Variants in PDZD2 observed in about 807,000 individuals in gnomAD.
PDZD2 encodes PDZ domain containing 2, also known as PDZ domain-containing protein 2.
In PDZD2, 90 loss-of-function variants were observed where a neutral mutation model predicts 220.7. That is an observed-to-expected ratio of 0.41 (90% CI 0.34 to 0.49). PDZD2 has a LOEUF of 0.49. PDZD2 is among the 20% of genes least tolerant of loss of function. The probability of loss-of-function intolerance (pLI) is 0.28; values close to 1 mark genes in which losing one functional copy is unlikely to be tolerated. For synonymous variants in PDZD2, 1,375 were observed against 1,450.5 expected, an observed-to-expected ratio of 0.95 and a Z score of 1.18; for missense variants, 3,174 against 3,608.5, an observed-to-expected ratio of 0.88 and a Z score of 3.08.
intron 2 of PDZD2, among the ~76,000 whole-genome samples, chr5:31,898,808 C>CTTTTTTTTTTT (rs35589628): frequency 2.3e-4 from 28 of 123,454 alleles, no homozygotes; most frequent in African/African-American, 2.6e-4. Context: ...AGCCTCTCTT[C>CTTTTTTTTTTT]TTTTTTTTTT....
At position 32,108,186 on chromosome 5, in the gene PDZD2, A is replaced by T; in HGVS notation, c.*51A>T. Reference sequence around the variant, plus strand: ...TTCTCTTCTTTCTTTAGCAAATCAGAGTGACTTCTTTAAACCACAGGTTGT... The same window carrying T: ...TTCTCTTCTTTCTTTAGCAAATCAGTGTGACTTCTTTAAACCACAGGTTGT... On this transcript the variant is annotated 3_prime_UTR_variant, in exon 25 of 25. Coordinates refer to ENST00000438447, the MANE Select transcript of PDZD2 (RefSeq NM_178140.4). 7.5e-7 allele frequency: 1 copy of T among 1,339,536 alleles called. No homozygotes were observed. The highest frequency in any genetic ancestry group is 1.0e-6 in the Non-Finnish European group (1 of 956,294). 83.0% of individuals were successfully genotyped at this position (1,339,536 alleles called of 1,614,324 possible). A position where few individuals can be genotyped will look rare whatever the true frequency, so the allele number is the denominator to read the frequency against.
At position 31,781,266 on chromosome 5, in the gene PDZD2, T is replaced by G. The variant is rs377071421; in HGVS notation, c.-360-17623T>G. On this transcript the variant is annotated intron_variant, in intron 1 of 24. Transcript: ENST00000438447. ...CTGTCTCTACTAAAAATACAAAAAT[T>G]AGCTGGGTGTGGTGGTGCACGTCTG... Among the ~76,000 whole-genome samples, 7 of 152,234 alleles carry G rather than the reference T, an allele frequency of 4.6e-5. No homozygotes were observed. The East Asian group carries it at 9.7e-4, about 21-fold the overall frequency.
At position 31,923,638 on chromosome 5, in the gene PDZD2, A is replaced by G; in HGVS notation, c.477-59517A>G. On this transcript the variant is annotated intron_variant, in intron 2 of 24. Transcript: ENST00000438447. ...GGGACATCATTCAGTCACTAGTTGG[A>G]TGGCACAAGGCTCTTCACAGATGAA... The G allele has an allele frequency of 1.8e-5, 13 of 710,938 alleles. 2 individuals are homozygous for G. The highest frequency in any genetic ancestry group is 1.6e-4 in the South Asian group (12 of 72,958). The allele number at this position is 710,938 out of a possible 1,614,324, so 44.0% of individuals were successfully genotyped here.
Position 31,844,496 on chromosome 5 carries a change from G to A in PDZD2, c.476+44772G>A, listed in dbSNP as rs1053865429. Among the ~76,000 whole-genome samples, 31 of 152,230 alleles carry A rather than the reference G, an allele frequency of 2.0e-4. No individual in the cohort carries two copies. The South Asian group carries it at 2.7e-3, about 13-fold the overall frequency. ...ATTACTGAGTATAGAAATGATTTTT[G>A]TCAAGACCAAGTGGTAAGGACTTGG... On this transcript the variant is annotated intron_variant, in intron 2 of 24. Coordinates refer to ENST00000438447, the MANE Select transcript of PDZD2 (RefSeq NM_178140.4).
chr5:32,097,559 A>G (rs1167712378), intron 22 of PDZD2, among the ~76,000 whole-genome samples, 179 bp downstream of exon 22: 1 of 152,240 alleles, frequency 6.6e-6, no homozygotes, highest in Non-Finnish European at 1.5e-5. Flanking sequence ...ACAAAAGACA[A>G]GCATTTTTAA....
chr5:31,906,576 C>T (rs1369465659), intron 2 of PDZD2, among the ~76,000 whole-genome samples: 2 of 152,050 alleles, frequency 1.3e-5, no homozygotes, highest in Non-Finnish European at 2.9e-5. Flanking sequence ...GGTGCAGTGG[C>T]TCACCCCTGT....
At chr5:31,864,936 C>T (rs1738069575) in intron 2 of PDZD2, among the ~76,000 whole-genome samples, 1 of 141,546 alleles carries the variant, frequency 7.1e-6, no homozygotes, top group Non-Finnish European at 1.5e-5. Context: ...TCAAGCTCCG[C>T]CTCCTGGGTT....
At chr5:31,762,123 G>A (rs1454172726) in intron 1 of PDZD2, among the ~76,000 whole-genome samples, 3 of 152,202 alleles carry the variant, frequency 2.0e-5, no homozygotes, top group Non-Finnish European at 4.4e-5. Flanking sequence ...CACCCTCTTG[G>A]TCTAATCCCC....
intron 2 of PDZD2, among the ~76,000 whole-genome samples, chr5:31,880,791 C>CTTTTTCCTTTTTTTTTTT (rs1739798959): frequency 2.6e-5 from 2 of 76,484 alleles, no homozygotes; most frequent in African/African-American, 1.3e-4. Context: ...TTTTTTTTTT[C>CTTTTTCCTTTTTTTTTTT]TTTTTTTTTT....
At chr5:31,768,240 C>G (rs1210735305) in intron 1 of PDZD2, among the ~76,000 whole-genome samples, 1 of 152,194 alleles carries the variant, frequency 6.6e-6, no homozygotes, top group Non-Finnish European at 1.5e-5. Flanking sequence ...CCGTGAAAGG[C>G]AGGCGAGCAG....
intron 1 of PDZD2, among the ~76,000 whole-genome samples, chr5:31,781,608 G>C (rs954885979): frequency 6.6e-6 from 1 of 152,226 alleles, no homozygotes; most frequent in African/African-American, 2.4e-5. Context: ...AGAAGCATAA[G>C]CAAATGAAAC....
chr5:31,827,059 A>G (rs186818623), intron 2 of PDZD2, among the ~76,000 whole-genome samples: 9 of 152,276 alleles, frequency 5.9e-5, no homozygotes, highest in Admixed American at 2.0e-4. Context: ...AGGCAGCAAC[A>G]ATTCTGTAAG....
intron 1 of PDZD2, among the ~76,000 whole-genome samples, chr5:31,644,294 C>T (rs1297573688): frequency 1.3e-5 from 2 of 152,048 alleles, no homozygotes; most frequent in Non-Finnish European, 2.9e-5. Flanking sequence ...TCCTATTATC[C>T]ATACTTTAGA....
At chr5:31,916,288 C>T (rs1045588122) in intron 2 of PDZD2, among the ~76,000 whole-genome samples, 65 of 152,360 alleles carry the variant, frequency 4.3e-4, no homozygotes, top group African/African-American at 1.5e-3. Flanking sequence ...CATTCAGAGA[C>T]AGTTGGCTGT....
At chr5:31,954,936 C>CA (rs904972754) in intron 2 of PDZD2, among the ~76,000 whole-genome samples, 12 of 150,882 alleles carry the variant, frequency 8.0e-5, no homozygotes, top group South Asian at 2.1e-4. Flanking sequence ...GACTCTGTCT[C>CA]AAAAAAAACA....
At position 32,098,368 on chromosome 5, in the gene PDZD2, A is replaced by G. The variant is rs1743932036; in HGVS notation, c.7952A>G (p.His2651Arg). ...TDVEPKSITV[H>R]RVFSQGAASQ... ...CTTTTCCTTTCCTCATCCCAGGTCC[A>G]CAGGGTGTTTTCTCAGGGGGCGGCT... is the stretch of plus-strand genomic sequence containing the variant. Residue 2651 changes from histidine (H) to arginine (R), a missense_variant, in exon 23 of 25, where the codon CAC becomes CGC. Physicochemically the swap from His to Arg is conservative, Grantham distance 29. Coordinates refer to ENST00000438447, the MANE Select transcript of PDZD2 (RefSeq NM_178140.4). The surrounding 1 kb of genome is among the most constrained non-coding windows in gnomAD (Gnocchi z 4.1). 1.2e-6 allele frequency: 2 copies of G among 1,613,764 alleles called. No individual in the cohort carries two copies. The highest frequency in any genetic ancestry group is 8.5e-7 in the Non-Finnish European group (1 of 1,179,934).
chr5:31,797,052 C>T (rs1438551186), intron 1 of PDZD2, among the ~76,000 whole-genome samples: 21 of 150,488 alleles, frequency 1.4e-4, no homozygotes, highest in African/African-American at 5.1e-4. Flanking sequence ...CTCAGCCTCC[C>T]GAGTAGCTGG....
chr5:31,735,541 G>A (rs1324094219), intron 1 of PDZD2, among the ~76,000 whole-genome samples: 1 of 152,190 alleles, frequency 6.6e-6, no homozygotes, highest in African/African-American at 2.4e-5. Context: ...GCTCATGCCT[G>A]TAATCCCAGC....
chr5:31,965,253 C>A (rs369344045), intron 2 of PDZD2, among the ~76,000 whole-genome samples: 2 of 152,294 alleles, frequency 1.3e-5, no homozygotes, highest in Admixed American at 6.5e-5. Context: ...AGAAGAGACC[C>A]CCAAGTGGGG....
Sources: gnomAD v4.1 joint callset for allele counts (sites outside exome capture counted in the v4.1 genomes callset) on GRCh38, gnomAD v4.1.1 for gene constraint, Gnocchi (gnomAD v3.1) non-coding constraint, MANE v1.5 for transcripts, NCBI Gene and HGNC (gene_info 2026-07-23, HGNC 2026-07-21) for gene names.